The following NRG1 variants were observed in gnomAD, a reference collection of about 807,000 sequenced individuals.
The protein encoded by NRG1 is neuregulin 1.
In NRG1, 18 loss-of-function variants were observed where a neutral mutation model predicts 63.8. The ratio of observed to expected loss-of-function variants is 0.28; its 90% CI spans 0.19 to 0.42. The LOEUF is 0.42. Ranked by LOEUF, NRG1 falls within the 10% of genes least tolerant of loss-of-function variation. The pLI is 1.00. For missense variants in NRG1, 762 were observed against 814.7 expected (o/e 0.94, Z 0.79); for synonymous variants, 302 against 301.3 (o/e 1.00, Z -0.02).
intron 1 of NRG1, among the ~76,000 whole-genome samples, chr8:31,824,831 T>C (rs1164556658): frequency 1.3e-5 from 2 of 152,184 alleles, no homozygotes; most frequent in Non-Finnish European, 2.9e-5. Flanking sequence ...ACAGACCATA[T>C]GTGAACATTA....
At chr8:32,177,666 A>C (rs968416081) in intron 1 of NRG1, among the ~76,000 whole-genome samples, 12 of 151,722 alleles carry the variant, frequency 7.9e-5, no homozygotes, top group Non-Finnish European at 1.5e-4. Context: ...TTCCTATGTT[A>C]GTTTGCTGCG....
chr8:31,662,781 C>T (rs1806126259), intron 1 of NRG1, among the ~76,000 whole-genome samples: 2 of 152,108 alleles, frequency 1.3e-5, no homozygotes, highest in Non-Finnish European at 2.9e-5. Context: ...TTCTTAGAGA[C>T]ACTTATAGAT....
intron 1 of NRG1, among the ~76,000 whole-genome samples, chr8:32,048,469 A>ATATATG (rs1821443154): frequency 8.6e-6 from 1 of 116,322 alleles, no homozygotes; most frequent in Admixed American, 9.0e-5. Context: ...ATATATATAT[A>ATATATG]TATATATATA....
intron 1 of NRG1, among the ~76,000 whole-genome samples, chr8:32,481,062 G>T (rs926369183): frequency 6.6e-6 from 1 of 151,952 alleles, no homozygotes; most frequent in Admixed American, 6.6e-5. Flanking sequence ...AAAATAAATA[G>T]GCCAGGCGCA....
chr8:31,853,763 C>G (rs1483094479), intron 1 of NRG1, among the ~76,000 whole-genome samples: 2 of 151,762 alleles, frequency 1.3e-5, no homozygotes, highest in Non-Finnish European at 2.9e-5. Flanking sequence ...ATAGATAGCT[C>G]TTATTATTTT....
intron 1 of NRG1, among the ~76,000 whole-genome samples, chr8:31,748,738 C>T (rs1330204279): frequency 6.6e-6 from 1 of 151,728 alleles, no homozygotes; most frequent in Non-Finnish European, 1.5e-5. Flanking sequence ...CTTTCTCTCC[C>T]TCTCTCAATT....
In NRG1 at chr8:31,728,803, C is replaced by A. The variant is rs539951398; in HGVS notation, c.37+89372C>A. On this transcript the variant is annotated intron_variant, in intron 1 of 10. Coordinates refer to the NRG1 transcript ENST00000519301. ...TAATTTTTCACAAATCCCATTGATT[C>A]TTGTTTATGATACTATTTCATAAAA... Among the ~76,000 whole-genome samples the A allele has an allele frequency of 4.6e-5, 7 of 152,232 alleles. No homozygotes were observed. In the South Asian group the frequency reaches 1.5e-3, roughly 32 times the overall value.
At chr8:32,151,235 A>G (rs1334810561) in intron 1 of NRG1, among the ~76,000 whole-genome samples, 1 of 152,148 alleles carries the variant, frequency 6.6e-6, no homozygotes, top group African/African-American at 2.4e-5. Flanking sequence ...ATTTCTTGAC[A>G]TGTCTAGAGG....
intron 1 of NRG1, among the ~76,000 whole-genome samples, chr8:32,077,802 A>G (rs539152359): frequency 1.8e-4 from 28 of 152,232 alleles, no homozygotes; most frequent in Admixed American, 3.3e-4. Context: ...TTTCTCTATG[A>G]GAAGGGTAGG....
At chr8:32,388,054 G>A (rs1311406665) in intron 1 of NRG1, among the ~76,000 whole-genome samples, 2 of 152,188 alleles carry the variant, frequency 1.3e-5, no homozygotes, top group African/African-American at 2.4e-5. Flanking sequence ...GTTCAGCGTA[G>A]TCAATGAGCA....
At chr8:32,497,156 C>T (rs914347395) in intron 1 of NRG1, among the ~76,000 whole-genome samples, 5 of 151,850 alleles carry the variant, frequency 3.3e-5, no homozygotes, top group African/African-American at 1.2e-4. Flanking sequence ...TCAGAAATAG[C>T]AAAATTTCGC....
At chr8:32,110,844 A>T (rs1346816511) in intron 1 of NRG1, among the ~76,000 whole-genome samples, 1 of 152,196 alleles carries the variant, frequency 6.6e-6, no homozygotes, top group Non-Finnish European at 1.5e-5. Context: ...AAGTAGAATG[A>T]TGCGGTTTCC....
intron 1 of NRG1, among the ~76,000 whole-genome samples, chr8:32,236,224 C>T (rs1198444324): frequency 3.3e-5 from 5 of 151,844 alleles, no homozygotes; most frequent in Non-Finnish European, 1.5e-5. Context: ...GGTCTTGCCC[C>T]ACCCTGCAAG....
At chr8:32,203,885 G>A (rs1355343496) in intron 1 of NRG1, among the ~76,000 whole-genome samples, 1 of 152,054 alleles carries the variant, frequency 6.6e-6, no homozygotes, top group African/African-American at 2.4e-5. Flanking sequence ...TAATACCCAT[G>A]GATAGTTCTG....
At position 31,779,458 on chromosome 8, in the gene NRG1, G is replaced by C. The variant is rs554942052; in HGVS notation, c.37+140027G>C. On this transcript the variant is annotated intron_variant, in intron 1 of 10. Coordinates refer to the NRG1 transcript ENST00000519301. ...CGCTTGTTCGGAGACAGCCCAGAAG[G>C]GAAAAAAAAAAAAATTCTGGAAAGC... is the stretch of plus-strand genomic sequence containing the variant. 2.1e-5 allele frequency among the ~76,000 whole-genome samples: 3 copies of C among 140,258 alleles called. No homozygotes were observed. In the East Asian group the frequency reaches 5.8e-4, roughly 27 times the overall value. 92.0% of individuals were successfully genotyped at this position (140,258 alleles called of 152,430 possible). A position where few individuals can be genotyped will look rare whatever the true frequency, so the allele number is the denominator to read the frequency against.
chr8:31,983,141 A>T (rs996308086), intron 1 of NRG1, among the ~76,000 whole-genome samples: 3 of 152,136 alleles, frequency 2.0e-5, no homozygotes, highest in African/African-American at 7.2e-5. Flanking sequence ...TTTTCTTTCA[A>T]TGATAATGTC....
chr8:32,378,621 T>C (rs1403269972), intron 1 of NRG1, among the ~76,000 whole-genome samples: 1 of 152,134 alleles, frequency 6.6e-6, no homozygotes, highest in Non-Finnish European at 1.5e-5. Context: ...GTTGAAAACA[T>C]ATCTTTTTTT....
At chr8:32,581,474 C>T (rs749787943) in intron 1 of NRG1, among the ~76,000 whole-genome samples, 3 of 152,174 alleles carry the variant, frequency 2.0e-5, no homozygotes, top group African/African-American at 4.8e-5. Flanking sequence ...TTTGCTCATT[C>T]GTTCTTCCAT....
intron 1 of NRG1, among the ~76,000 whole-genome samples, chr8:31,932,223 T>C (rs1009680138): frequency 1.3e-5 from 2 of 152,212 alleles, no homozygotes; most frequent in African/African-American, 4.8e-5. Flanking sequence ...TGAAATATGC[T>C]TCGTAAATAA....
Sources: allele counts gnomAD v4.1 joint callset (sites outside exome capture counted in the v4.1 genomes callset), GRCh38; gene constraint gnomAD v4.1.1; transcripts MANE v1.5; gene names NCBI Gene and HGNC (gene_info 2026-07-23, HGNC 2026-07-21).